METTL2A: variants seen among roughly 807,000 people sequenced by gnomAD.
METTL2A encodes methyltransferase 2A, tRNA N3-cytidine.
Under a neutral mutation model 49.4 loss-of-function variants are expected in METTL2A, and 45 were observed. The ratio of observed to expected loss-of-function variants is 0.91; its 90% CI spans 0.72 to 1.17. The LOEUF (loss-of-function observed/expected upper bound fraction) is 1.17, where lower values mean the gene tolerates loss of function less well. Among genes scored for constraint, METTL2A ranks in the 50% most tolerant of loss-of-function variants. The pLI, the probability that METTL2A is intolerant of heterozygous loss-of-function variation, is 0.00. For missense variants in METTL2A, 361 were observed against 462.2 expected (o/e 0.78, Z 2.01); for synonymous variants, 118 against 167.5 (o/e 0.70, Z 2.28).
At chr17:62,435,579 T>G (rs2070695250) in intron 5 of METTL2A, among the ~76,000 whole-genome samples, 1 of 152,210 alleles carries the variant, frequency 6.6e-6, no homozygotes, top group Non-Finnish European at 1.5e-5. Flanking sequence ...TATCTATGTG[T>G]CATGCTTTGG....
At chr17:62,435,084 A>G in intron 4 of METTL2A, 148 bp from the exon 5 acceptor site, 4 of 1,250,368 alleles carry the variant, frequency 3.2e-6, no homozygotes, top group Non-Finnish European at 4.5e-6. Flanking sequence ...ATTTTAACCA[A>G]AATGAAATAT....
At chr17:62,440,849 A>G in intron 6 of METTL2A, 93 bp downstream of exon 6, 1 of 1,493,272 alleles carries the variant, frequency 6.7e-7, no homozygotes, top group Non-Finnish European at 9.1e-7. Flanking sequence ...CTGTCAGCCC[A>G]GGCTGGAGTG....
At chr17:62,440,515 G>A (rs1180293168) in intron 5 of METTL2A, 102 bp from the exon 6 acceptor site, 1 of 1,456,746 alleles carries the variant, frequency 6.9e-7, no homozygotes, top group Non-Finnish European at 9.2e-7. Flanking sequence ...ATCCCTCTTT[G>A]TGAAGTAGCA....
chr17:62,423,947 T>G lies in METTL2A; in HGVS notation c.45T>G (p.Asp15Glu). 1.9e-6 allele frequency: 3 copies of G among 1,613,922 alleles called. No homozygotes were observed. Among genetic ancestry groups the G allele is most frequent in the Non-Finnish European group, 2.5e-6 (3 of 1,179,976 alleles). Residue 15 changes from aspartate to glutamate, a missense_variant, in exon 1 of 9, where the codon GAT becomes GAG. By Grantham distance (45) the Asp-to-Glu change is conservative. Transcript: ENST00000311506. ...YPEGAPAVLA[D>E]KRQQFGSRFL... Reference sequence around the variant, plus strand: ...AAGGTGCACCTGCAGTCCTCGCCGATAAGAGGCAGCAGTTCGGAAGCCGGT... The same window carrying G: ...AAGGTGCACCTGCAGTCCTCGCCGAGAAGAGGCAGCAGTTCGGAAGCCGGT...
At position 62,451,922 on chromosome 17, in the gene METTL2A, TG is replaced by T. The variant is rs1487707930; in HGVS notation, c.*3195del. Among the ~76,000 whole-genome samples the T allele has an allele frequency of 1.5e-5, 2 of 130,250 alleles. No homozygotes were observed. The highest frequency in any genetic ancestry group is 6.0e-5 in the African/African-American group (2 of 33,234). The allele number at this position is 130,250 out of a possible 152,430, so 85.4% of individuals were successfully genotyped here. ...AAAAAAAAAAAAAATTAGCTGGGCA[TG>T]GTGGTGGGCGCCTGTAATCCCAGCT... is the stretch of plus-strand genomic sequence containing the variant. On this transcript the variant is annotated 3_prime_UTR_variant, in exon 9 of 9. Transcript: ENST00000311506.
chr17:62,447,832 G>A (rs369043979), intron 8 of METTL2A, 66 bp downstream of exon 8: 36 of 1,602,220 alleles, frequency 2.2e-5, no homozygotes, highest in Middle Eastern at 1.7e-4. Flanking sequence ...TTCAAGGCAC[G>A]TTCAGAAGGA....
At chr17:62,439,721 C>T (rs894622014) in intron 5 of METTL2A, among the ~76,000 whole-genome samples, 9 of 151,884 alleles carry the variant, frequency 5.9e-5, no homozygotes, top group African/African-American at 1.7e-4. Flanking sequence ...CGTGAACCAC[C>T]GCGTGCTTAT....
rs1235009824 is a variant in METTL2A, at chr17:62,435,248, G to C, written c.625G>C (p.Val209Leu). The C allele has an allele frequency of 2.3e-5, 37 of 1,613,780 alleles. No individual in the cohort carries two copies. Among genetic ancestry groups the C allele is most frequent in the Non-Finnish European group, 2.9e-5 (34 of 1,179,854 alleles). The change falls in exon 5 of 9, where the codon GTT becomes CTT. Residue 209 changes from valine to leucine, a missense_variant. Val to Leu is a conservative substitution (Grantham distance 32, BLOSUM62 1). Transcript: ENST00000311506. ...CCATTTCAGTGACCCAGGACTCTTTGTTTATTGCTGTGATTTTTCTTCCAC... is the reference window on the plus strand; with the variant it reads ...CCATTTCAGTGACCCAGGACTCTTTCTTTATTGCTGTGATTTTTCTTCCAC... ...LQTNNDPGLF[V>L]YCCDFSSTAI...
At chr17:62,444,379 C>T (rs1275673058) in intron 6 of METTL2A, among the ~76,000 whole-genome samples, 1 of 152,206 alleles carries the variant, frequency 6.6e-6, no homozygotes, top group Non-Finnish European at 1.5e-5. Context: ...TCCCAGGTTC[C>T]AGAAATTCTC....
At chr17:62,442,328 T>G (rs1384327663) in intron 6 of METTL2A, among the ~76,000 whole-genome samples, 1 of 151,840 alleles carries the variant, frequency 6.6e-6, no homozygotes, top group African/African-American at 2.4e-5. Flanking sequence ...CAGGCTGGAG[T>G]GCAGTGGTGA....
chr17:62,432,824 A>C (rs547812294), intron 4 of METTL2A, among the ~76,000 whole-genome samples: 1 of 151,764 alleles, frequency 6.6e-6, no homozygotes, highest in Non-Finnish European at 1.5e-5. Flanking sequence ...ATTGCCAAGC[A>C]TGCTGGCATG....
At chr17:62,443,626 G>T (rs1461779854) in intron 6 of METTL2A, among the ~76,000 whole-genome samples, 2 of 152,058 alleles carry the variant, frequency 1.3e-5, no homozygotes, top group African/African-American at 4.8e-5. Context: ...TTTCACTCTT[G>T]TTGCCCAGGC....
At chr17:62,447,878 G>T (rs2070779674) in intron 8 of METTL2A, 112 bp downstream of exon 8, 1 of 1,558,508 alleles carries the variant, frequency 6.4e-7, no homozygotes, top group African/African-American at 1.4e-5. Flanking sequence ...TAGGCAGGCT[G>T]TTTCCTGCGG....
chr17:62,452,822 C>A lies in METTL2A; in HGVS notation c.*4093C>A, dbSNP rs539878688. Among the ~76,000 whole-genome samples, 39 of 152,236 alleles carry A rather than the reference C, an allele frequency of 2.6e-4. No homozygotes were observed. Among genetic ancestry groups the A allele is most frequent in the African/African-American group, 9.1e-4 (38 of 41,540 alleles). On this transcript the variant is annotated 3_prime_UTR_variant, in exon 9 of 9. Transcript: ENST00000311506. The stretch of plus-strand genomic sequence containing the variant: ...ACAGGGTTTCATCATGTGTCCCAGG[C>A]TGGTCTTGAACTCCTGAGCTCAAGC...
chr17:62,447,660 T>A (rs377652879), intron 7 of METTL2A, 41 bp from the exon 8 acceptor site: 1 of 1,609,658 alleles, frequency 6.2e-7, no homozygotes. Flanking sequence ...GTCAAAGAAG[T>A]GCTTTTAAGT....
intron 6 of METTL2A, 110 bp from the exon 7 acceptor site, chr17:62,444,727 C>T: frequency 2.0e-6 from 2 of 975,926 alleles, no homozygotes. Context: ...AGATCTCAGA[C>T]TTGGTGTGTC....
Position 62,440,673 on chromosome 17 carries a change from TGAAGA to T in METTL2A, c.733_737del (p.Lys245LeufsTer9). On this transcript the variant is annotated frameshift_variant, in exon 6 of 9. Transcript: ENST00000311506. LOFTEE classifies it high-confidence loss of function. ...TTGCCTTTGTTCACGACCTGTGTGATGAAGAGAAGAGTTACCCAGTGCCCAAGGGC... is the reference window on the plus strand; with the variant it reads ...TTGCCTTTGTTCACGACCTGTGTGATGAAGAGTTACCCAGTGCCCAAGGGC... 1 of 1,614,138 alleles carries T rather than the reference TGAAGA, an allele frequency of 6.2e-7. No homozygotes were observed. The highest frequency in any genetic ancestry group is 8.5e-7 in the Non-Finnish European group (1 of 1,180,024).
At chr17:62,436,276 T>C (rs1264050297) in intron 5 of METTL2A, among the ~76,000 whole-genome samples, 1 of 151,498 alleles carries the variant, frequency 6.6e-6, no homozygotes, top group African/African-American at 2.4e-5. Context: ...TCGGCCACAA[T>C]GGCTTAATGC....
Position 62,448,780 on chromosome 17 carries a change from T to A in METTL2A, c.*51T>A. On this transcript the variant is annotated 3_prime_UTR_variant, in exon 9 of 9. Coordinates refer to ENST00000311506, the MANE Select transcript of METTL2A (RefSeq NM_181725.4). Reference sequence around the variant, plus strand: ...AAGCCCATTGTGTTTCCGGGCTTTTTTAAAAAAAAAATTGTAGCACTGGGC... The same window carrying A: ...AAGCCCATTGTGTTTCCGGGCTTTTATAAAAAAAAAATTGTAGCACTGGGC... 6.3e-7 allele frequency: 1 copy of A among 1,598,250 alleles called. No individual in the cohort carries two copies. The highest frequency in any genetic ancestry group is 1.8e-5 in the Admixed American group (1 of 57,000).
Sources: gnomAD v4.1 joint callset for allele counts (sites outside exome capture counted in the v4.1 genomes callset) on GRCh38, gnomAD v4.1.1 for gene constraint, MANE v1.5 for transcripts, NCBI Gene and HGNC (gene_info 2026-07-23, HGNC 2026-07-21) for gene names.